Variants in CELF1 observed in about 807,000 individuals in gnomAD.
CELF1 encodes 50 kDa nuclear polyadenylated RNA-binding protein.
CELF1 carries 10 observed loss-of-function variants against 61.8 expected under a neutral mutation model. That is an observed-to-expected ratio of 0.16 (90% CI 0.10 to 0.27). The LOEUF is 0.27. Ranked by LOEUF, CELF1 falls within the 10% of genes least tolerant of loss-of-function variation. The pLI, the probability that CELF1 is intolerant of heterozygous loss-of-function variation, is 1.00. For synonymous variants in CELF1, 236 were observed against 225.1 expected (o/e 1.05, Z -0.43); for missense variants, 380 against 639.1 (o/e 0.59, Z 4.37).
chr11:47,557,300 C>A (rs112012902), upstream of CELF1, among the ~76,000 whole-genome samples: 3 of 147,468 alleles, frequency 2.0e-5, no homozygotes, highest in African/African-American at 7.5e-5. Context: ...CTCACTGCAA[C>A]CTCCCCCTCC....
intron 1 of CELF1, among the ~76,000 whole-genome samples, chr11:47,540,471 CAGT>C (rs2096745038): frequency 6.6e-6 from 1 of 152,218 alleles, no homozygotes; most frequent in Non-Finnish European, 1.5e-5. Flanking sequence ...CTTCATCATG[CAGT>C]AATCACCCAC....
At chr11:47,538,741 TAAAGTC>T (rs2096700022) in intron 1 of CELF1, among the ~76,000 whole-genome samples, 1 of 151,552 alleles carries the variant, frequency 6.6e-6, no homozygotes, top group Admixed American at 6.6e-5. Context: ...TTCTCTGGAA[TAAAGTC>T]TTTCAACCTA....
intron 1 of CELF1, among the ~76,000 whole-genome samples, chr11:47,518,373 G>A (rs760983026): frequency 6.6e-5 from 10 of 152,212 alleles, no homozygotes; most frequent in Non-Finnish European, 1.3e-4. Context: ...TCCTGCCAAG[G>A]CAAAGTGCAA....
upstream of CELF1, chr11:47,553,152 C>T: frequency 2.5e-6 from 1 of 395,072 alleles, no homozygotes; most frequent in East Asian, 3.6e-5. Context: ...GCGGCACTTC[C>T]GGCACCTACC....
intron 1 of CELF1, among the ~76,000 whole-genome samples, chr11:47,508,399 G>C (rs1217385239): frequency 6.6e-6 from 1 of 151,850 alleles, no homozygotes; most frequent in African/African-American, 2.4e-5. Flanking sequence ...GCTAGTCAGG[G>C]AATCTCCAAG....
chr11:47,546,517 C>T (rs2096955943), intron 1 of CELF1, among the ~76,000 whole-genome samples: 1 of 152,142 alleles, frequency 6.6e-6, no homozygotes, highest in African/African-American at 2.4e-5. Flanking sequence ...AGGTATGAGC[C>T]ACCACGCCGG....
intron 3 of CELF1, among the ~76,000 whole-genome samples, chr11:47,491,521 C>A (rs1452262570): frequency 6.6e-6 from 1 of 152,186 alleles, no homozygotes; most frequent in Non-Finnish European, 1.5e-5. Flanking sequence ...ATGACTCTAG[C>A]ACTATCTAAA....
intron 1 of CELF1, among the ~76,000 whole-genome samples, chr11:47,516,816 T>G (rs754594813): frequency 5.3e-5 from 8 of 152,100 alleles, no homozygotes; most frequent in Non-Finnish European, 1.0e-4. Flanking sequence ...TTGGCCAGGC[T>G]GGTTTTGAAC....
chr11:47,514,343 A>C (rs1355033578), intron 1 of CELF1, among the ~76,000 whole-genome samples: 3 of 152,174 alleles, frequency 2.0e-5, no homozygotes, highest in Non-Finnish European at 2.9e-5. Flanking sequence ...AAAGGATCAG[A>C]GCCACAAATG....
At chr11:47,540,417 T>C (rs539727065) in intron 1 of CELF1, among the ~76,000 whole-genome samples, 40 of 152,336 alleles carry the variant, frequency 2.6e-4, no homozygotes, top group African/African-American at 8.4e-4. Context: ...AATATCCTTG[T>C]TGAAAGCCTG....
chr11:47,524,187 G>T (rs1386645876), intron 1 of CELF1, among the ~76,000 whole-genome samples: 4 of 152,008 alleles, frequency 2.6e-5, no homozygotes, highest in East Asian at 3.9e-4. Flanking sequence ...TTCTTAAAGG[G>T]GTGGAGGTGC....
intron 1 of CELF1, among the ~76,000 whole-genome samples, chr11:47,541,831 AAAG>A (rs2096811657): frequency 6.7e-6 from 1 of 150,358 alleles, no homozygotes; most frequent in Non-Finnish European, 1.5e-5. Flanking sequence ...AGAAAGAAAG[AAAG>A]AAAATGGAAA....
intron 1 of CELF1, among the ~76,000 whole-genome samples, chr11:47,548,828 T>C (rs1024614340): frequency 2.2e-5 from 3 of 138,094 alleles, no homozygotes; most frequent in Admixed American, 8.1e-5. Flanking sequence ...ATCACACCAC[T>C]GCACTCCAGC....
In CELF1 at chr11:47,468,318, AAAAC is replaced by A. The variant is rs2077019648; in HGVS notation, c.*3908_*3911del. 1 of 152,226 alleles carries A rather than the reference AAAAC, an allele frequency of 6.6e-6. No individual in the cohort carries two copies. The highest frequency in any genetic ancestry group is 1.9e-4 in the East Asian group (1 of 5,204). 9.4% of individuals were successfully genotyped at this position (152,226 alleles called of 1,614,324 possible). On this transcript the variant is annotated 3_prime_UTR_variant, in exon 15 of 15. Transcript: ENST00000687097. ...TCTCCGCAGTTGAGAACTCAGAAGA[AAAAC>A]AAAAGAAAGAACAATACATGCGGTC...
chr11:47,521,973 T>C (rs1021983011), intron 1 of CELF1, among the ~76,000 whole-genome samples: 3 of 151,904 alleles, frequency 2.0e-5, no homozygotes, highest in Non-Finnish European at 4.4e-5. Flanking sequence ...TGCAATGGCA[T>C]GATCTCAGCT....
At chr11:47,505,576 GAGCTTGC>G (rs1329906133) in intron 1 of CELF1, among the ~76,000 whole-genome samples, 1 of 149,908 alleles carries the variant, frequency 6.7e-6, no homozygotes, top group African/African-American at 2.4e-5. Context: ...CTGGGAGGCA[GAGCTTGC>G]AGTGAGCCGA....
rs1241830849 is a variant in CELF1 at position 47,468,541 on chromosome 11, C to G, written c.*3689G>C. On this transcript the variant is annotated 3_prime_UTR_variant, in exon 15 of 15. Coordinates refer to ENST00000687097, the MANE Select transcript of CELF1 (RefSeq NM_001376376.1). ...CGCGGTATGTGCTAGTAGGGCTGCT[C>G]TGAAGACAATTACAAAGAATTGGAA... 6.6e-6 allele frequency: 1 copy of G among 152,562 alleles called. No homozygotes were observed. Among genetic ancestry groups the G allele is most frequent in the Non-Finnish European group, 1.5e-5 (1 of 68,044 alleles). The allele number at this position is 152,562 out of a possible 1,614,324, so 9.5% of individuals were successfully genotyped here.
At position 47,503,023 on chromosome 11, in the gene CELF1, C is replaced by G. The variant is rs531804571; in HGVS notation, c.-153-2091G>C. Among the ~76,000 whole-genome samples, 66 of 152,250 alleles carry G rather than the reference C, an allele frequency of 4.3e-4. 3 individuals are homozygous for G. In the South Asian group the frequency reaches 0.013, roughly 30 times the overall value. ...GTTTCCTCTTCTCTCCCTGGTTGTC[C>G]GTCTGTCTCAGTATTCTCTGCCTTG... On this transcript the variant is annotated intron_variant, in intron 1 of 14. Transcript: ENST00000687097.
At chr11:47,501,354 G>C (rs924944777) in intron 1 of CELF1, among the ~76,000 whole-genome samples, 2 of 152,208 alleles carry the variant, frequency 1.3e-5, no homozygotes, top group Non-Finnish European at 2.9e-5. Flanking sequence ...GGGCTGGTTA[G>C]ATTACTGGCT....
Sources: gnomAD v4.1 joint callset for allele counts (sites outside exome capture counted in the v4.1 genomes callset) on GRCh38, gnomAD v4.1.1 for gene constraint, MANE v1.5 for transcripts, NCBI Gene and HGNC (gene_info 2026-07-23, HGNC 2026-07-21) for gene names.